CFAP299: variants seen among roughly 807,000 people sequenced by gnomAD.
The protein encoded by CFAP299 is cilia- and flagella-associated protein 299.
Under a neutral mutation model 27.0 loss-of-function variants are expected in CFAP299, and 21 were observed. The observed-to-expected ratio is 0.78, with a 90% CI of 0.55 to 1.12. The LOEUF is 1.12. Ranked by LOEUF, CFAP299 falls within the 50% of genes most tolerant of loss-of-function variation. CFAP299 has a pLI of 0.00. For missense variants in CFAP299, 310 were observed against 276.6 expected (o/e 1.12, Z -0.86); for synonymous variants, 104 against 98.1 (o/e 1.06, Z -0.36).
In CFAP299 at chr4:80,943,075, G is replaced by T. The variant is rs370395564; in HGVS notation, c.477-1735G>T. ...CTTGTGAAGGCTTATTAAGTTGAGG[G>T]CCTAAAAGGCCATGAATGCACAATT... On this transcript the variant is annotated intron_variant, in intron 4 of 5. Coordinates refer to ENST00000358105, the MANE Select transcript of CFAP299 (RefSeq NM_152770.3). Among the ~76,000 whole-genome samples, 4 of 152,268 alleles carry T rather than the reference G, an allele frequency of 2.6e-5. No homozygotes were observed. The East Asian group carries it at 7.7e-4, about 29-fold the overall frequency.
At chr4:80,868,515 A>C (rs1173823545) in intron 3 of CFAP299, among the ~76,000 whole-genome samples, 1 of 152,142 alleles carries the variant, frequency 6.6e-6, no homozygotes, top group Non-Finnish European at 1.5e-5. Flanking sequence ...ATGCGCCTCT[A>C]TCTCTGAAAG....
intron 3 of CFAP299, among the ~76,000 whole-genome samples, chr4:80,850,509 G>A (rs1458922502): frequency 6.6e-6 from 1 of 151,692 alleles, no homozygotes; most frequent in Non-Finnish European, 1.5e-5. Flanking sequence ...TAAAACTTGA[G>A]TTTTAGAAAG....
chr4:80,476,960 CGTGTGTGT>C (rs34671713), intron 2 of CFAP299, among the ~76,000 whole-genome samples: 5 of 106,568 alleles, frequency 4.7e-5, no homozygotes, highest in African/African-American at 1.6e-4. Context: ...TGTGCGCATG[CGTGTGTGT>C]GTGTGTGTGT....
chr4:80,601,411 T>G (rs956852041), intron 3 of CFAP299, among the ~76,000 whole-genome samples: 2 of 152,182 alleles, frequency 1.3e-5, no homozygotes, highest in Admixed American at 6.6e-5. Context: ...TATGAATAAA[T>G]AAATGCTGTT....
At chr4:80,902,145 G>C (rs1405104917) in intron 4 of CFAP299, among the ~76,000 whole-genome samples, 1 of 151,554 alleles carries the variant, frequency 6.6e-6, no homozygotes, top group African/African-American at 2.4e-5. Flanking sequence ...TCTTCTATGA[G>C]AAAAATCTGA....
intron 2 of CFAP299, among the ~76,000 whole-genome samples, chr4:80,401,261 C>A (rs1483406901): frequency 2.0e-5 from 3 of 152,168 alleles, no homozygotes; most frequent in Non-Finnish European, 4.4e-5. Flanking sequence ...TAATGTTAAT[C>A]CCCAACACCG....
intron 2 of CFAP299, among the ~76,000 whole-genome samples, chr4:80,455,572 GAT>G (rs1729103366): frequency 1.3e-5 from 2 of 151,902 alleles, no homozygotes; most frequent in African/African-American, 4.8e-5. Context: ...TTTATAAAAA[GAT>G]AGATGGAATG....
chr4:80,851,046 G>A (rs1731493147), intron 3 of CFAP299, among the ~76,000 whole-genome samples: 2 of 152,042 alleles, frequency 1.3e-5, no homozygotes, highest in African/African-American at 2.4e-5. Flanking sequence ...TAAAAATCTA[G>A]ATGCCTGGAT....
At chr4:80,825,988 T>C (rs775785280) in intron 3 of CFAP299, among the ~76,000 whole-genome samples, 1 of 151,942 alleles carries the variant, frequency 6.6e-6, no homozygotes, top group Non-Finnish European at 1.5e-5. Context: ...TGTTTTCTAC[T>C]TAATATAAGA....
chr4:80,900,375 CA>C lies in CFAP299; in HGVS notation c.476+30241del, dbSNP rs369486872. On this transcript the variant is annotated intron_variant, in intron 4 of 5. Coordinates refer to ENST00000358105, the MANE Select transcript of CFAP299 (RefSeq NM_152770.3). ...AAGAATACAACAGAAATAATATTAA[CA>C]TAGCAATATTCTTGTCTGATTGTAT... Among the ~76,000 whole-genome samples, 440 of 152,110 alleles carry C rather than the reference CA, an allele frequency of 2.9e-3. 11 individuals are homozygous for C. In the South Asian group the frequency reaches 0.049, roughly 17 times the overall value.
chr4:80,337,868 T>A (rs1414025013), intron 1 of CFAP299, among the ~76,000 whole-genome samples: 4 of 152,200 alleles, frequency 2.6e-5, no homozygotes, highest in African/African-American at 9.6e-5. Context: ...GACAGGTATA[T>A]ATATGTTTAC....
At chr4:80,876,165 T>C (rs1578205244) in intron 4 of CFAP299, among the ~76,000 whole-genome samples, 1 of 148,756 alleles carries the variant, frequency 6.7e-6, no homozygotes, top group East Asian at 1.9e-4. Context: ...ATAAATATTA[T>C]ATTATATATA....
intron 3 of CFAP299, among the ~76,000 whole-genome samples, chr4:80,625,288 T>A (rs1461663812): frequency 1.3e-5 from 2 of 152,062 alleles, no homozygotes; most frequent in African/African-American, 4.8e-5. Context: ...TGTGTATGTG[T>A]GTGTATGTTA....
intron 3 of CFAP299, among the ~76,000 whole-genome samples, chr4:80,799,800 AT>A: frequency 2.8e-5 from 1 of 35,682 alleles, no homozygotes; most frequent in African/African-American, 1.5e-4. Flanking sequence ...ATTATATTAT[AT>A]AATATATAAA....
In CFAP299 at chr4:80,674,727, C is replaced by G. The variant is rs181444636; in HGVS notation, c.333+91544C>G. Among the ~76,000 whole-genome samples, 7 of 152,022 alleles carry G rather than the reference C, an allele frequency of 4.6e-5. No homozygotes were observed. The East Asian group carries it at 1.4e-3, about 29-fold the overall frequency. On this transcript the variant is annotated intron_variant, in intron 3 of 5. Coordinates refer to ENST00000358105, the MANE Select transcript of CFAP299 (RefSeq NM_152770.3). ...TTGGAGTTTTTTTCATTTCTTTTTA[C>G]TCTTTTTTTCTCTAAACTTCTCCTC...
intron 2 of CFAP299, among the ~76,000 whole-genome samples, chr4:80,367,013 G>C (rs1329616791): frequency 4.6e-5 from 7 of 152,128 alleles, no homozygotes; most frequent in Non-Finnish European, 1.0e-4. Flanking sequence ...TAAATCTATA[G>C]AGACAAGTAG....
intron 2 of CFAP299, among the ~76,000 whole-genome samples, chr4:80,373,408 A>G (rs1246941710): frequency 1.3e-5 from 2 of 152,146 alleles, no homozygotes; most frequent in Admixed American, 6.5e-5. Context: ...AATCACTGCA[A>G]TGAATACTTG....
chr4:80,721,258 AG>A (rs1722793107), intron 3 of CFAP299, among the ~76,000 whole-genome samples: 3 of 152,242 alleles, frequency 2.0e-5, no homozygotes, highest in Admixed American at 2.0e-4. Context: ...AGAAACACAA[AG>A]AAAGTTACAT....
intron 2 of CFAP299, among the ~76,000 whole-genome samples, chr4:80,545,540 G>A (rs1455880447): frequency 6.6e-6 from 1 of 152,030 alleles, no homozygotes; most frequent in Non-Finnish European, 1.5e-5. Context: ...TCTCAATATT[G>A]AACCAGAATG....
Sources: gnomAD v4.1 joint callset for allele counts (sites outside exome capture counted in the v4.1 genomes callset) on GRCh38, gnomAD v4.1.1 for gene constraint, MANE v1.5 for transcripts, NCBI Gene and HGNC (gene_info 2026-07-23, HGNC 2026-07-21) for gene names.